Variants in IDE observed in about 807,000 individuals in gnomAD.
IDE encodes the protein insulin degrading enzyme, also known as insulin-degrading enzyme.
Under a neutral mutation model 133.2 loss-of-function variants are expected in IDE, and 58 were observed. The observed-to-expected ratio is 0.44, with a 90% CI of 0.35 to 0.54. The LOEUF is 0.54. IDE is among the 20% of genes least tolerant of loss of function. The pLI is 0.00. For missense variants in IDE, 981 were observed against 1,234.0 expected (o/e 0.79, Z 3.07); for synonymous variants, 396 against 421.3 (o/e 0.94, Z 0.73).
intron 24 of IDE, 115 bp from the exon 25 acceptor site, chr10:92,454,654 T>C (rs1312093637): frequency 1.4e-6 from 1 of 733,598 alleles, no homozygotes; most frequent in African/African-American, 1.8e-5. Flanking sequence ...TATACTGTTT[T>C]TTTGTTTTGG....
chr10:92,488,463 G>C (rs900360283), intron 12 of IDE, among the ~76,000 whole-genome samples: 2 of 152,106 alleles, frequency 1.3e-5, no homozygotes, highest in African/African-American at 4.8e-5. Flanking sequence ...AAGTGAACCA[G>C]TAGTTCAAGC....
chr10:92,498,022 T>TA lies in IDE; in HGVS notation c.1430+6771dup, dbSNP rs558431405. 1.1e-3 allele frequency among the ~76,000 whole-genome samples: 173 copies of TA among 152,346 alleles called. 2 individuals are homozygous for TA. Among genetic ancestry groups the TA allele is most frequent in the African/African-American group, 4.1e-3 (170 of 41,578 alleles). Reference sequence around the variant, plus strand: ...ACATCCTTATTATATGGTATAACTTTAATATAGCATTACCTTGTGTTTGTA... The same window carrying TA: ...ACATCCTTATTATATGGTATAACTTTAAATATAGCATTACCTTGTGTTTGTA... On this transcript the variant is annotated intron_variant, in intron 11 of 24. Coordinates refer to ENST00000265986, the MANE Select transcript of IDE (RefSeq NM_004969.4).
chr10:92,537,360 T>C lies in IDE; in HGVS notation c.283+6A>G, dbSNP rs1296374976. On this transcript the variant is annotated splice_donor_region_variant and intron_variant, in intron 2 of 24. Transcript: ENST00000265986. ...ACAAAGCTTAATTCACAATTTTCAA[T>C]TGTACCTATGTGCACATCAAGTGCT... The C allele has an allele frequency of 1.9e-6, 3 of 1,581,064 alleles. No individual in the cohort carries two copies. Among genetic ancestry groups the C allele is most frequent in the Non-Finnish European group, 1.7e-6 (2 of 1,167,482 alleles).
intron 4 of IDE, among the ~76,000 whole-genome samples, chr10:92,518,297 T>C (rs1245199591): frequency 6.6e-6 from 1 of 152,186 alleles, no homozygotes; most frequent in Non-Finnish European, 1.5e-5. Flanking sequence ...ATCTTCTGAC[T>C]GCATGGCCTT....
At chr10:92,565,409 CAAAA>C (rs5787003) in intron 1 of IDE, among the ~76,000 whole-genome samples, 2 of 114,880 alleles carry the variant, frequency 1.7e-5, no homozygotes, top group Non-Finnish European at 3.6e-5. Context: ...GACTCCATCT[CAAAA>C]AAAAAAAAAA....
chr10:92,566,413 T>TCACACA (rs3051566), intron 1 of IDE, among the ~76,000 whole-genome samples: 54 of 137,532 alleles, frequency 3.9e-4, no homozygotes, highest in African/African-American at 1.4e-3. Flanking sequence ...TCTCTCTCTC[T>TCACACA]CACACACACA....
chr10:92,524,561 A>G (rs1430214287), intron 4 of IDE, among the ~76,000 whole-genome samples: 2 of 89,830 alleles, frequency 2.2e-5, no homozygotes, highest in Non-Finnish European at 4.4e-5. Context: ...TATATTTTAT[A>G]TATAATAATA....
intron 21 of IDE, 83 bp downstream of exon 21, chr10:92,463,648 C>G (rs1845513860): frequency 9.9e-6 from 13 of 1,307,568 alleles, no homozygotes; most frequent in Non-Finnish European, 1.4e-5. Flanking sequence ...ATATCACCTA[C>G]AAAATGAATA....
rs202130657 is a variant in IDE, at chr10:92,470,280, G to T, written c.2182C>A (p.Leu728Ile). 5.0e-6 allele frequency: 8 copies of T among 1,605,036 alleles called. No individual in the cohort carries two copies. The highest frequency in any genetic ancestry group is 2.2e-5 in the South Asian group (2 of 89,370). ...TGCTTTGTTATGTTTCCATGGAGAA[G>T]GGCTTCAATGTGCAGCCGTGACAGG... ...QLLSRLHIEA[L>I]LHGNITKQAA... Residue 728 changes from leucine (L) to isoleucine (I), a missense_variant, in exon 18 of 25, where the codon CTT becomes ATT. Leu to Ile is a conservative substitution (Grantham distance 5). Transcript: ENST00000265986.
chr10:92,492,441 A>G (rs1044810575), intron 11 of IDE, among the ~76,000 whole-genome samples: 7 of 152,118 alleles, frequency 4.6e-5, no homozygotes, highest in African/African-American at 1.7e-4. Context: ...CCTTTTAATC[A>G]TTGAAGTTGG....
At chr10:92,524,644 T>C (rs1849528424) in intron 4 of IDE, among the ~76,000 whole-genome samples, 1 of 142,456 alleles carries the variant, frequency 7.0e-6, no homozygotes, top group Non-Finnish European at 1.5e-5. Context: ...CAAATCAGGC[T>C]GGGCACAGTG....
intron 7 of IDE, 126 bp from the exon 8 acceptor site, chr10:92,508,331 G>C (rs561478506): frequency 1.3e-6 from 1 of 756,642 alleles, no homozygotes; most frequent in South Asian, 1.8e-5. Flanking sequence ...CGAAAAGATT[G>C]GGAAAAAAAA....
intron 1 of IDE, among the ~76,000 whole-genome samples, chr10:92,539,242 G>A (rs1224758565): frequency 6.6e-6 from 1 of 151,564 alleles, no homozygotes; most frequent in Non-Finnish European, 1.5e-5. Context: ...CTTCTTTAGA[G>A]GAGAGGAGAT....
intron 4 of IDE, among the ~76,000 whole-genome samples, chr10:92,519,516 C>T (rs574361991): frequency 1.3e-5 from 2 of 152,340 alleles, no homozygotes; most frequent in South Asian, 4.1e-4. Context: ...AGAACACTGC[C>T]TTGGCATTTA....
intron 15 of IDE, among the ~76,000 whole-genome samples, chr10:92,478,979 C>T (rs893447871): frequency 7.2e-5 from 11 of 151,970 alleles, no homozygotes; most frequent in African/African-American, 2.7e-4. Flanking sequence ...ATTTCAAATA[C>T]AGAATGGGTA....
At chr10:92,477,879 A>G (rs1183684696) in intron 15 of IDE, among the ~76,000 whole-genome samples, 1 of 152,248 alleles carries the variant, frequency 6.6e-6, no homozygotes. Flanking sequence ...ATTCTTATAC[A>G]TTAAACAAAA....
At chr10:92,493,982 C>T (rs1300598982) in intron 11 of IDE, among the ~76,000 whole-genome samples, 1 of 152,154 alleles carries the variant, frequency 6.6e-6, no homozygotes, top group Non-Finnish European at 1.5e-5. Flanking sequence ...AATTGAAGTA[C>T]AGACACCTAT....
At chr10:92,463,654 G>GGT in intron 21 of IDE, 77 bp downstream of exon 21, 5 of 1,335,126 alleles carry the variant, frequency 3.7e-6, no homozygotes, top group Non-Finnish European at 5.3e-6. Flanking sequence ...CCTACAAAAT[G>GGT]AATACCATTT....
At chr10:92,486,576 G>C (rs1194070255) in intron 13 of IDE, among the ~76,000 whole-genome samples, 1 of 152,086 alleles carries the variant, frequency 6.6e-6, no homozygotes, top group East Asian at 1.9e-4. Context: ...GTTTAGAAGG[G>C]AGAAGAAATA....
Sources: allele counts gnomAD v4.1 joint callset (sites outside exome capture counted in the v4.1 genomes callset), GRCh38; gene constraint gnomAD v4.1.1; transcripts MANE v1.5; gene names NCBI Gene and HGNC (gene_info 2026-07-23, HGNC 2026-07-21).